NBAS: variants seen among roughly 807,000 people sequenced by gnomAD.
NBAS encodes the protein NAG/BC035112 fusion.
In NBAS, 219 loss-of-function variants were observed where a neutral mutation model predicts 302.5. The ratio of observed to expected loss-of-function variants is 0.72; its 90% CI spans 0.65 to 0.81. The LOEUF is 0.81. NBAS is among the 30% of genes least tolerant of loss of function. The pLI, the probability that NBAS is intolerant of heterozygous loss-of-function variation, is 0.00. For missense variants in NBAS, 2,932 were observed against 2,841.6 expected (o/e 1.03, Z -0.72); for synonymous variants, 1,118 against 1,021.6 (o/e 1.09, Z -1.80).
At chr2:14,873,566 G>A in the NBAS span, among the ~76,000 whole-genome samples, 644 of 151,502 alleles carry the variant, frequency 4.3e-3, 6 homozygotes, top group African/African-American at 0.015. Flanking sequence ...TAGACTATGT[G>A]ATAAAACAGA....
At chr2:15,355,665 G>A (rs1254026859) in intron 33 of NBAS, among the ~76,000 whole-genome samples, 1 of 152,086 alleles carries the variant, frequency 6.6e-6, no homozygotes, top group Non-Finnish European at 1.5e-5. Context: ...GTGATAGTGA[G>A]TTGAGATCTG....
At chr2:14,854,651 G>A in the NBAS span, among the ~76,000 whole-genome samples, 2 of 152,120 alleles carry the variant, frequency 1.3e-5, no homozygotes, top group Admixed American at 1.3e-4. Context: ...CACAGAAATT[G>A]TGAGCCATTG....
intron 21 of NBAS, among the ~76,000 whole-genome samples, chr2:15,428,019 A>T (rs1014516500): frequency 2.6e-5 from 4 of 152,236 alleles, no homozygotes; most frequent in African/African-American, 9.6e-5. Context: ...CAAATAAAAA[A>T]TTTGGCAAGT....
At position 15,356,352 on chromosome 2, in the gene NBAS, G is replaced by A; in HGVS notation, c.3882C>T (p.Phe1294=). 6.2e-7 allele frequency: 1 copy of A among 1,613,880 alleles called. No homozygotes were observed. The highest frequency in any genetic ancestry group is 8.5e-7 in the Non-Finnish European group (1 of 1,179,846). The change falls in exon 33 of 52, where the codon TTC becomes TTT. Residue 1294 remains phenylalanine (F), a synonymous_variant. Coordinates refer to ENST00000281513, the MANE Select transcript of NBAS (RefSeq NM_015909.4). The stretch of plus-strand genomic sequence containing the variant: ...GCATACTGGCTGCTTTGTAGTCATG[G>A]AAGCGAAGTGCCTGCTCCACTAAAA... The part of the protein sequence containing the change: ...LILLVEQALR[F]HDYKAASMHC...
At chr2:14,919,500 G>GGACAC in the NBAS span, among the ~76,000 whole-genome samples, 1 of 152,144 alleles carries the variant, frequency 6.6e-6, no homozygotes, top group African/African-American at 2.4e-5. Context: ...GATGAAGTTT[G>GGACAC]CTGCATCCAT....
the NBAS span, among the ~76,000 whole-genome samples, chr2:15,004,423 T>C: frequency 6.6e-6 from 1 of 152,230 alleles, no homozygotes; most frequent in South Asian, 2.1e-4. Flanking sequence ...TGTTTCAACA[T>C]TGTACACAAG....
intron 19 of NBAS, among the ~76,000 whole-genome samples, chr2:15,466,905 C>T (rs1679747697): frequency 6.9e-6 from 1 of 145,926 alleles, no homozygotes; most frequent in Non-Finnish European, 1.5e-5. Flanking sequence ...CCACTGCACT[C>T]CAGCCTGGAG....
intron 9 of NBAS, among the ~76,000 whole-genome samples, chr2:15,524,536 G>C (rs1257195716): frequency 6.6e-6 from 1 of 152,162 alleles, no homozygotes; most frequent in Non-Finnish European, 1.5e-5. Context: ...TGGATATCTA[G>C]TTCTGCTACT....
chr2:15,087,852 C>T, the NBAS span, among the ~76,000 whole-genome samples: 1 of 152,206 alleles, frequency 6.6e-6, no homozygotes, highest in Non-Finnish European at 1.5e-5. Context: ...ATTTACTCAG[C>T]CTTTACTGTG....
rs961881831 is a variant in NBAS, at chr2:15,402,022, T to C, written c.3071+146A>G. The C allele has an allele frequency of 3.0e-5, 24 of 804,696 alleles. 1 individual carries two copies. Among genetic ancestry groups the C allele is most frequent in the South Asian group, 2.8e-4 (18 of 63,982 alleles). The allele number at this position is 804,696 out of a possible 1,614,324, so 49.8% of individuals were successfully genotyped here. A position where few individuals can be genotyped will look rare whatever the true frequency, so the allele number is the denominator to read the frequency against. ...GACAAGAAATGTTTATCCTAGGCAA[T>C]AGGATTGCAGATAATTTTATTTTCT... On this transcript the variant is annotated intron_variant, in intron 26 of 51. Coordinates refer to ENST00000281513, the MANE Select transcript of NBAS (RefSeq NM_015909.4).
At position 15,561,326 on chromosome 2, in the gene NBAS, CGGA is replaced by C. The variant is rs751880759; in HGVS notation, c.-25_-23del. ...CCATGTTCGCCGAGGACTCAGGCAG[CGGA>C]GGAGTGTCTCTACGGAATCCCTCAC... On this transcript the variant is annotated 5_prime_UTR_variant, in exon 1 of 52. Transcript: ENST00000281513. 20 of 1,601,246 alleles carry C rather than the reference CGGA, an allele frequency of 1.2e-5. No homozygotes were observed. In the Admixed American group the frequency reaches 3.2e-4, roughly 25 times the overall value.
chr2:14,842,846 C>CAAAAAAA, the NBAS span, among the ~76,000 whole-genome samples: 2 of 74,032 alleles, frequency 2.7e-5, no homozygotes, highest in South Asian at 4.5e-4. Flanking sequence ...CAGAAAATGA[C>CAAAAAAA]AAAAAAAAAA....
chr2:15,150,353 T>G, the NBAS span, among the ~76,000 whole-genome samples: 9 of 152,160 alleles, frequency 5.9e-5, no homozygotes, highest in African/African-American at 2.2e-4. Context: ...ACCTTGGAAA[T>G]GCTTTGGTAG....
chr2:15,293,605 C>T (rs1670417301), intron 40 of NBAS, among the ~76,000 whole-genome samples: 2 of 151,794 alleles, frequency 1.3e-5, no homozygotes, highest in South Asian at 2.1e-4. Context: ...CAATCCATCC[C>T]AATTCCTGGG....
At chr2:15,448,644 A>T (rs1678864752) in intron 21 of NBAS, among the ~76,000 whole-genome samples, 1 of 152,162 alleles carries the variant, frequency 6.6e-6, no homozygotes, top group African/African-American at 2.4e-5. Context: ...TTCCTATTAC[A>T]TGGCATCTAA....
chr2:14,884,830 C>T, the NBAS span, among the ~76,000 whole-genome samples: 1 of 152,180 alleles, frequency 6.6e-6, no homozygotes, highest in African/African-American at 2.4e-5. Context: ...GAAGCTCTCT[C>T]AGAAGAGATG....
chr2:15,016,486 T>G, the NBAS span, among the ~76,000 whole-genome samples: 1 of 152,062 alleles, frequency 6.6e-6, no homozygotes, highest in African/African-American at 2.4e-5. Context: ...TATAAAAGAA[T>G]GGAAAGATAT....
At chr2:15,410,214 A>G in intron 25 of NBAS, among the ~76,000 whole-genome samples, 1 of 152,208 alleles carries the variant, frequency 6.6e-6, no homozygotes, top group East Asian at 1.9e-4. Flanking sequence ...TTTCTGCATG[A>G]CAAAGAATCT....
chr2:15,218,531 C>T (rs1413414061), intron 48 of NBAS, among the ~76,000 whole-genome samples: 2 of 152,190 alleles, frequency 1.3e-5, no homozygotes, highest in African/African-American at 4.8e-5. Context: ...TTAAGCGATT[C>T]TCCTGCCTCA....
Sources: allele counts gnomAD v4.1 joint callset (sites outside exome capture counted in the v4.1 genomes callset), GRCh38; gene constraint gnomAD v4.1.1; transcripts MANE v1.5; gene names NCBI Gene and HGNC (gene_info 2026-07-23, HGNC 2026-07-21).